Variants in SNAI1 observed in about 807,000 individuals in gnomAD.
SNAI1 encodes the protein zinc finger protein SNAI1.
SNAI1 carries 15 observed loss-of-function variants against 24.7 expected under a neutral mutation model. The ratio of observed to expected loss-of-function variants is 0.61; its 90% confidence interval spans 0.41 to 0.93. SNAI1 has a LOEUF of 0.93. SNAI1 is among the 40% of genes least tolerant of loss of function. The pLI, the probability that SNAI1 is intolerant of heterozygous loss-of-function variation, is 0.00. For missense variants in SNAI1, 283 were observed against 336.7 expected (o/e 0.84, Z 1.25); for synonymous variants, 163 against 142.9 (o/e 1.14, Z -1.00).
At chr20:49,985,833 C>T (rs927475377) in intron 2 of SNAI1, among the ~76,000 whole-genome samples, 1 of 152,234 alleles carries the variant, frequency 6.6e-6, no homozygotes, top group African/African-American at 2.4e-5. Context: ...CCCTTTGTCC[C>T]CGCCGGCCTG....
At chr20:49,985,346 G>A (rs548803729) in intron 2 of SNAI1, among the ~76,000 whole-genome samples, 24 of 152,294 alleles carry the variant, frequency 1.6e-4, no homozygotes, top group Middle Eastern at 3.4e-3. Context: ...ACCTCTGAGC[G>A]GTGAGGGTTA....
In SNAI1 at chr20:49,983,074, C is replaced by T. The variant is rs1303133118; in HGVS notation, c.15C>T (p.Phe5=). ...CCTCGACCACTATGCCGCGCTCTTT[C>T]CTCGTCAGGAAGCCCTCCGACCCCA... MPRS[F]LVRKPSDPNR... Residue 5 remains phenylalanine (F), a synonymous_variant, in exon 1 of 3, where the codon TTC becomes TTT. Transcript: ENST00000244050. 6.2e-7 allele frequency: 1 copy of T among 1,613,622 alleles called. No homozygotes were observed. Among genetic ancestry groups the T allele is most frequent in the Non-Finnish European group, 8.5e-7 (1 of 1,179,936 alleles).
At chr20:49,986,279 A>G (rs1048467030) in intron 2 of SNAI1, among the ~76,000 whole-genome samples, 9 of 152,058 alleles carry the variant, frequency 5.9e-5, no homozygotes, top group Non-Finnish European at 1.0e-4. Context: ...CCCTCCCCCA[A>G]TCCTCTATGT....
chr20:49,984,087 A>T lies in SNAI1; in HGVS notation c.346A>T (p.Thr116Ser). The T allele has an allele frequency of 1.2e-6, 2 of 1,614,014 alleles. No individual in the cohort carries two copies. Among genetic ancestry groups the T allele is most frequent in the East Asian group, 2.2e-5 (1 of 44,864 alleles). The change falls in exon 2 of 3, where the codon ACT becomes TCT. Residue 116 changes from threonine to serine, a missense_variant. Coordinates refer to ENST00000244050, the MANE Select transcript of SNAI1 (RefSeq NM_005985.4). The part of the protein sequence containing the change: ...PSPAPSSFSS[T>S]SVSSLEAEAY... ...ACCGGCTCCTTCGTCCTTCTCCTCT[A>T]CTTCAGTCTCTTCCTTGGAGGCCGA...
In SNAI1 at chr20:49,983,100, A is replaced by G. The variant is rs763270707; in HGVS notation, c.41A>G (p.Asn14Ser). 9.9e-6 allele frequency: 16 copies of G among 1,613,466 alleles called. No homozygotes were observed. The highest frequency in any genetic ancestry group is 6.7e-5 in the East Asian group (3 of 44,826). The change falls in exon 1 of 3, where the codon AAT becomes AGT. Residue 14 changes from asparagine to serine, a missense_variant. By Grantham distance (46) the Asn-to-Ser change is conservative. Coordinates refer to ENST00000244050, the MANE Select transcript of SNAI1 (RefSeq NM_005985.4). Reference sequence around the variant, plus strand: ...CTCGTCAGGAAGCCCTCCGACCCCAATCGGAAGCCTAACTACAGCGAGCTG... The same window carrying G: ...CTCGTCAGGAAGCCCTCCGACCCCAGTCGGAAGCCTAACTACAGCGAGCTG... Reference protein sequence around the residue: ...SFLVRKPSDPNRKPNYSELQD... With the variant: ...SFLVRKPSDPSRKPNYSELQD...
At chr20:49,986,806 T>C (rs564664744) in intron 2 of SNAI1, among the ~76,000 whole-genome samples, 1 of 152,310 alleles carries the variant, frequency 6.6e-6, no homozygotes, top group African/African-American at 2.4e-5. Context: ...TATGACCTTT[T>C]ATTTGGAAAA....
intron 2 of SNAI1, 119 bp downstream of exon 2, chr20:49,984,470 G>T: frequency 9.4e-7 from 1 of 1,061,256 alleles, no homozygotes; most frequent in Non-Finnish European, 1.3e-6. Flanking sequence ...CTAACTTCTA[G>T]CTCAAGTTCC....
intron 2 of SNAI1, among the ~76,000 whole-genome samples, chr20:49,986,137 T>C (rs1480284985): frequency 6.6e-6 from 1 of 152,132 alleles, no homozygotes; most frequent in Non-Finnish European, 1.5e-5. Flanking sequence ...ATCTCCAGAG[T>C]CAGCCCTTAG....
chr20:49,984,023 G>T lies in SNAI1; in HGVS notation c.282G>T (p.Glu94Asp). Residue 94 changes from glutamate to aspartate, a missense_variant, in exon 2 of 3, where the codon GAG becomes GAT. Transcript: ENST00000244050. The stretch of plus-strand genomic sequence containing the variant: ...CAGAGCTGACCTCCCTGTCAGATGA[G>T]GACAGTGGGAAAGGCTCCCAGCCCC... ...RVAELTSLSD[E>D]DSGKGSQPPS... 1.2e-6 allele frequency: 2 copies of T among 1,613,588 alleles called. No homozygotes were observed. Among genetic ancestry groups the T allele is most frequent in the Non-Finnish European group, 1.7e-6 (2 of 1,179,760 alleles).
Position 49,983,120 on chromosome 20 carries a change from G to C in SNAI1, c.61G>C (p.Glu21Gln), listed in dbSNP as rs1233970414. Reference sequence around the variant, plus strand: ...CCCCAATCGGAAGCCTAACTACAGCGAGCTGCAGGACTCTAATCCAGGTGC... The same window carrying C: ...CCCCAATCGGAAGCCTAACTACAGCCAGCTGCAGGACTCTAATCCAGGTGC... Reference protein sequence around the residue: ...SDPNRKPNYSELQDSNPEFTF... With the variant: ...SDPNRKPNYSQLQDSNPEFTF... Residue 21 changes from glutamate to glutamine, a missense_variant, in exon 1 of 3, where the codon GAG (glutamate) becomes CAG (glutamine). Physicochemically the swap from Glu to Gln is conservative, Grantham distance 29. Coordinates refer to ENST00000244050, the MANE Select transcript of SNAI1 (RefSeq NM_005985.4). 1 of 1,613,684 alleles carries C rather than the reference G, an allele frequency of 6.2e-7. No individual in the cohort carries two copies. The highest frequency in any genetic ancestry group is 1.3e-5 in the African/African-American group (1 of 75,010).
Position 49,983,960 on chromosome 20 carries a change from C to T in SNAI1, c.219C>T (p.Ala73=). 2 of 1,613,694 alleles carry T rather than the reference C, an allele frequency of 1.2e-6. No homozygotes were observed. The change falls in exon 2 of 3, where the codon GCC becomes GCT. Residue 73 remains alanine, a synonymous_variant. Transcript: ENST00000244050. ...TGGCGCCCCAAGCCCAGCCAATTGC[C>T]TGGGCCTCCCTTCGGCTCCAGGAGA... The part of the protein sequence containing the change: ...SVLAPQAQPI[A]WASLRLQESP...
chr20:49,987,719 C>T (rs1017422584), intron 2 of SNAI1, among the ~76,000 whole-genome samples, 153 bp from the exon 3 acceptor site: 8 of 152,122 alleles, frequency 5.3e-5, no homozygotes, highest in African/African-American at 7.2e-5. Flanking sequence ...CGTCAGGTCC[C>T]GGCCTTTGGA....
intron 2 of SNAI1, among the ~76,000 whole-genome samples, chr20:49,986,528 C>T (rs1041255337): frequency 6.6e-6 from 1 of 152,112 alleles, no homozygotes; most frequent in African/African-American, 2.4e-5. Context: ...CCTGACCTTG[C>T]GGGCATATCA....
intron 1 of SNAI1, among the ~76,000 whole-genome samples, 176 bp downstream of exon 1, chr20:49,983,317 G>T (rs1296660694): frequency 6.6e-6 from 1 of 151,894 alleles, no homozygotes; most frequent in Non-Finnish European, 1.5e-5. Flanking sequence ...GGATCTGTCT[G>T]GGTGGTTGGG....
At chr20:49,986,026 A>G (rs35504328) in intron 2 of SNAI1, among the ~76,000 whole-genome samples, 55,203 of 151,924 alleles carry the variant, frequency 0.36, 13,771 homozygotes, top group African/African-American at 0.71. Context: ...CACTTACTGT[A>G]CAGGAGGGTA....
intron 2 of SNAI1, among the ~76,000 whole-genome samples, chr20:49,985,644 G>A (rs2078331601): frequency 1.3e-5 from 2 of 152,066 alleles, no homozygotes; most frequent in Admixed American, 1.3e-4. Context: ...TATCATTGCG[G>A]TCCTCATTGA....
At chr20:49,984,408 T>C (rs1271659775) in intron 2 of SNAI1, 57 bp downstream of exon 2, 1 of 1,471,594 alleles carries the variant, frequency 6.8e-7, no homozygotes, top group East Asian at 2.5e-5. Flanking sequence ...TTTGTGAATC[T>C]GGGCTTGCTG....
intron 1 of SNAI1, among the ~76,000 whole-genome samples, chr20:49,983,446 C>T (rs2078323179): frequency 7.1e-6 from 1 of 140,672 alleles, no homozygotes; most frequent in Non-Finnish European, 1.5e-5. Flanking sequence ...GCCCTCTGGA[C>T]GCTGCTGGGG....
chr20:49,988,146 G>A lies in SNAI1; in HGVS notation c.*90G>A. The A allele has an allele frequency of 8.4e-7, 1 of 1,188,204 alleles. No individual in the cohort carries two copies. Among genetic ancestry groups the A allele is most frequent in the East Asian group, 2.5e-5 (1 of 39,678 alleles). 73.6% of individuals were successfully genotyped at this position (1,188,204 alleles called of 1,614,324 possible). A position where few individuals can be genotyped will look rare whatever the true frequency, so the allele number is the denominator to read the frequency against. On this transcript the variant is annotated 3_prime_UTR_variant, in exon 3 of 3. Coordinates refer to ENST00000244050, the MANE Select transcript of SNAI1 (RefSeq NM_005985.4). Reference sequence around the variant, plus strand: ...GGAAGGACCCCACATCCTTCTCACTGCCATGGAATTCCCTCCTGAGTGCCC... The same window carrying A: ...GGAAGGACCCCACATCCTTCTCACTACCATGGAATTCCCTCCTGAGTGCCC...
Sources: gnomAD v4.1 joint callset for allele counts (sites outside exome capture counted in the v4.1 genomes callset) on GRCh38, gnomAD v4.1.1 for gene constraint, MANE v1.5 for transcripts, NCBI Gene and HGNC (gene_info 2026-07-23, HGNC 2026-07-21) for gene names.